AGFG1: variants seen among roughly 807,000 people sequenced by gnomAD.
The protein encoded by AGFG1 is arf-GAP domain and FG repeat-containing protein 1.
In AGFG1, 10 loss-of-function variants were observed where a neutral mutation model predicts 60.6. The ratio of observed to expected loss-of-function variants is 0.16; its 90% confidence interval spans 0.10 to 0.28. AGFG1 has a LOEUF of 0.28. AGFG1 is among the 10% of genes least tolerant of loss of function. The pLI is 1.00. For missense variants in AGFG1, 537 were observed against 676.5 expected, an observed-to-expected ratio of 0.79 and a Z score of 2.29; for synonymous variants, 247 against 242.9, an observed-to-expected ratio of 1.02 and a Z score of -0.16.
intron 2 of AGFG1, among the ~76,000 whole-genome samples, chr2:227,519,347 C>A (rs1178777345): frequency 1.3e-5 from 2 of 152,096 alleles, no homozygotes; most frequent in Admixed American, 1.3e-4. Flanking sequence ...TTGATGAAGT[C>A]TGCTTTATCA....
chr2:227,536,092 C>T (rs1365840513), intron 8 of AGFG1, among the ~76,000 whole-genome samples: 1 of 151,976 alleles, frequency 6.6e-6, no homozygotes, highest in Non-Finnish European at 1.5e-5. Context: ...CATAGGTATA[C>T]ATGTGCCATG....
intron 2 of AGFG1, among the ~76,000 whole-genome samples, chr2:227,511,564 A>T (rs1009895836): frequency 6.6e-6 from 1 of 152,204 alleles, no homozygotes; most frequent in African/African-American, 2.4e-5. Context: ...AATTTGGATC[A>T]GTGAATTTAT....
intron 11 of AGFG1, among the ~76,000 whole-genome samples, chr2:227,552,902 C>T (rs866173061): frequency 2.6e-4 from 38 of 146,812 alleles, no homozygotes; most frequent in African/African-American, 9.1e-4. Flanking sequence ...TCAGGAAGGC[C>T]GAGGCAGGAG....
intron 10 of AGFG1, among the ~76,000 whole-genome samples, chr2:227,546,144 G>C (rs1692639610): frequency 6.6e-6 from 1 of 152,226 alleles, no homozygotes; most frequent in Non-Finnish European, 1.5e-5. Context: ...GTTCCACCTA[G>C]TTCAAGCTTC....
At chr2:227,518,008 C>T (rs770327371) in intron 2 of AGFG1, among the ~76,000 whole-genome samples, 4 of 152,110 alleles carry the variant, frequency 2.6e-5, no homozygotes, top group Non-Finnish European at 4.4e-5. Context: ...TGCTTTTCAT[C>T]GCTGTAGACT....
chr2:227,490,278 T>C (rs1690768462), intron 1 of AGFG1, among the ~76,000 whole-genome samples: 1 of 152,150 alleles, frequency 6.6e-6, no homozygotes, highest in African/African-American at 2.4e-5. Context: ...ACAAATTCTT[T>C]AAAAATATTA....
At chr2:227,523,635 G>T (rs1410040104) in intron 3 of AGFG1, 128 bp from the exon 4 acceptor site, 5 of 851,776 alleles carry the variant, frequency 5.9e-6, no homozygotes, top group Non-Finnish European at 8.9e-6. Context: ...AAGTTATTCT[G>T]TGTGAGAGGG....
chr2:227,492,930 T>C lies in AGFG1; in HGVS notation c.261+1290T>C, dbSNP rs1441656326. On this transcript the variant is annotated intron_variant, in intron 2 of 12. Transcript: ENST00000310078. ...TTAACTTAACATTGCACACTTGAAG[T>C]TACTTTCTTAGAATGTTGGCTTAGT... 3.3e-5 allele frequency among the ~76,000 whole-genome samples: 5 copies of C among 152,270 alleles called. No individual in the cohort carries two copies. The East Asian group carries it at 9.6e-4, about 29-fold the overall frequency.
At chr2:227,507,557 G>A (rs1036144872) in intron 2 of AGFG1, among the ~76,000 whole-genome samples, 6 of 141,698 alleles carry the variant, frequency 4.2e-5, no homozygotes, top group Non-Finnish European at 9.0e-5. Flanking sequence ...GAGCCGAGAT[G>A]GCGCCACTGC....
chr2:227,531,047 A>G (rs757349205), intron 5 of AGFG1, 44 bp from the exon 6 acceptor site: 1 of 1,536,892 alleles, frequency 6.5e-7, no homozygotes, highest in South Asian at 1.2e-5. Context: ...TTTCATTTAT[A>G]GTTTTCATAT....
intron 5 of AGFG1, among the ~76,000 whole-genome samples, chr2:227,528,420 C>T (rs998939651): frequency 4.6e-5 from 7 of 152,106 alleles, no homozygotes; most frequent in Non-Finnish European, 7.3e-5. Context: ...CCTCTTTCCC[C>T]GTAACCCTCC....
intron 7 of AGFG1, 145 bp from the exon 8 acceptor site, chr2:227,534,700 C>T: frequency 1.3e-6 from 1 of 792,098 alleles, no homozygotes; most frequent in Non-Finnish European, 2.0e-6. Flanking sequence ...CAGTATGGTC[C>T]AGGTTATTTA....
intron 10 of AGFG1, among the ~76,000 whole-genome samples, chr2:227,551,198 A>G (rs935281144): frequency 1.3e-5 from 2 of 152,200 alleles, no homozygotes; most frequent in Non-Finnish European, 2.9e-5. Context: ...GCATTCTTCT[A>G]GGAATGCTTA....
intron 10 of AGFG1, among the ~76,000 whole-genome samples, chr2:227,547,871 T>G (rs750223009): frequency 6.6e-6 from 1 of 152,156 alleles, no homozygotes; most frequent in Non-Finnish European, 1.5e-5. Flanking sequence ...AAAACATAGA[T>G]CTGCACAAAA....
chr2:227,486,645 G>A (rs1404856781), intron 1 of AGFG1, among the ~76,000 whole-genome samples: 1 of 152,142 alleles, frequency 6.6e-6, no homozygotes, highest in Non-Finnish European at 1.5e-5. Flanking sequence ...GTTTCAGAGA[G>A]AGAAATATTT....
At chr2:227,482,056 G>A (rs1338203570) in intron 1 of AGFG1, among the ~76,000 whole-genome samples, 2 of 151,698 alleles carry the variant, frequency 1.3e-5, no homozygotes, top group Admixed American at 6.6e-5. Flanking sequence ...TAGTAAAGAC[G>A]GGGTTTCACC....
chr2:227,501,780 A>C (rs775978544), intron 2 of AGFG1, among the ~76,000 whole-genome samples: 1 of 152,082 alleles, frequency 6.6e-6, no homozygotes, highest in Non-Finnish European at 1.5e-5. Context: ...GACGGAGTCT[A>C]CTTCTGAGGC....
chr2:227,528,304 G>C (rs1038542162), intron 5 of AGFG1, among the ~76,000 whole-genome samples: 15 of 152,170 alleles, frequency 9.9e-5, no homozygotes, highest in Admixed American at 2.0e-4. Flanking sequence ...GTTGTACTGA[G>C]AAGGATAAGA....
intron 1 of AGFG1, among the ~76,000 whole-genome samples, chr2:227,478,836 A>C (rs773775738): frequency 1.3e-5 from 2 of 152,142 alleles, no homozygotes; most frequent in African/African-American, 4.8e-5. Flanking sequence ...TTTTTCTCTC[A>C]GTCTTTTACA....
Sources: allele counts gnomAD v4.1 joint callset (sites outside exome capture counted in the v4.1 genomes callset), GRCh38; gene constraint gnomAD v4.1.1; transcripts MANE v1.5; gene names NCBI Gene and HGNC (gene_info 2026-07-23, HGNC 2026-07-21).